The following PRH1 variants were observed in gnomAD, a reference collection of about 807,000 sequenced individuals.
The protein encoded by PRH1 is salivary acidic proline-rich phosphoprotein 1/2.
Under a neutral mutation model 7.9 loss-of-function variants are expected in PRH1, and 7 were observed. The observed-to-expected ratio is 0.89, with a 90% confidence interval of 0.50 to 1.67. The LOEUF (loss-of-function observed/expected upper bound fraction) is 1.67. Ranked by LOEUF, PRH1 falls within the 40% of genes most tolerant of loss-of-function variation. The pLI, the probability that PRH1 is intolerant of heterozygous loss-of-function variation, is 0.00. For missense variants in PRH1, 109 were observed against 223.6 expected, an observed-to-expected ratio of 0.49 and a Z score of 3.27; for synonymous variants, 45 against 80.8, an observed-to-expected ratio of 0.56 and a Z score of 2.38.
rs1431932785 is a variant in PRH1 at position 10,938,673 on chromosome 12, TAA to T, written c.-59+34980_-59+34981del. The T allele has an allele frequency of 2.5e-6, 4 of 1,613,940 alleles. No individual in the cohort carries two copies. The African/African-American group carries it at 4.0e-5, about 16-fold the overall frequency. ...ATGAACACAGTGCTGGTTAATACAA[TAA>T]GACTGGAAAATCGTGTAAAGTTACT... On this transcript the variant is annotated intron_variant, in intron 2 of 3. Coordinates refer to the PRH1 transcript ENST00000539853.
chr12:11,005,919 C>T (rs1251090083), intron 1 of PRH1: 1 of 152,110 alleles, frequency 6.6e-6, no homozygotes, highest in African/African-American at 2.4e-5. Flanking sequence ...GTATTTTCCA[C>T]TGAAGACTCT....
intron 1 of PRH1, among the ~76,000 whole-genome samples, chr12:11,150,162 A>C (rs1175264193): frequency 6.6e-6 from 1 of 151,876 alleles, no homozygotes; most frequent in Non-Finnish European, 1.5e-5. Flanking sequence ...CTAAAAAGTC[A>C]GGAAACAACA....
intron 1 of PRH1, among the ~76,000 whole-genome samples, chr12:11,073,778 C>T (rs1189153884): frequency 6.6e-6 from 1 of 152,160 alleles, no homozygotes; most frequent in African/African-American, 2.4e-5. Context: ...TAGAGGCATG[C>T]ATCGTGGGCA....
At chr12:11,118,820 C>T (rs1329214305), downstream of PRH1, among the ~76,000 whole-genome samples, 2 of 151,848 alleles carry the variant, frequency 1.3e-5, no homozygotes, top group Non-Finnish European at 2.9e-5. Context: ...TGGTGAAACC[C>T]CATCGCTACT....
chr12:11,027,017 C>T (rs1420496473), intron 1 of PRH1, among the ~76,000 whole-genome samples: 1 of 152,238 alleles, frequency 6.6e-6, no homozygotes, highest in Non-Finnish European at 1.5e-5. Context: ...GTAATCCCAT[C>T]ATTTTAGGAG....
intron 1 of PRH1, among the ~76,000 whole-genome samples, chr12:11,148,264 T>G (rs7963680): frequency 2.0e-5 from 3 of 150,530 alleles, no homozygotes; most frequent in African/African-American, 7.3e-5. Context: ...CTTTTCCTAA[T>G]TGAATACCCT....
chr12:11,019,814 T>G (rs1266518737), intron 1 of PRH1, among the ~76,000 whole-genome samples: 1 of 152,292 alleles, frequency 6.6e-6, no homozygotes, highest in African/African-American at 2.4e-5. Context: ...GAAAGAGACG[T>G]TCCCTAAAAA....
At chr12:11,148,734 T>C (rs1946955099) in intron 1 of PRH1, among the ~76,000 whole-genome samples, 1 of 113,162 alleles carries the variant, frequency 8.8e-6, no homozygotes, top group Non-Finnish European at 2.1e-5. Flanking sequence ...TCAAGGATAT[T>C]AGTCTAAAAT....
chr12:10,890,095 C>G (rs771108377), intron 2 of PRH1, among the ~76,000 whole-genome samples: 2 of 152,022 alleles, frequency 1.3e-5, no homozygotes, highest in African/African-American at 2.4e-5. Context: ...TTATCTTGCA[C>G]AGAGGGATTT....
intron 1 of PRH1, among the ~76,000 whole-genome samples, chr12:10,989,240 C>G (rs1346378597): frequency 9.2e-5 from 14 of 151,702 alleles, no homozygotes; most frequent in Admixed American, 9.2e-4. Flanking sequence ...TTGGACTCAC[C>G]TTTACGTTTC....
chr12:10,887,263 C>T (rs1321060944), upstream of PRH1, among the ~76,000 whole-genome samples: 1 of 152,106 alleles, frequency 6.6e-6, no homozygotes, highest in African/African-American at 2.4e-5. Context: ...CTCTGAGAGT[C>T]AGTGAGTTTC....
intron 1 of PRH1, among the ~76,000 whole-genome samples, chr12:11,045,508 C>A (rs186131816): frequency 9.9e-5 from 15 of 152,124 alleles, no homozygotes; most frequent in Middle Eastern, 3.4e-3. Context: ...ACATTGCATG[C>A]CTGTATCAAC....
intron 1 of PRH1, among the ~76,000 whole-genome samples, chr12:10,993,211 C>T (rs546489911): frequency 6.6e-6 from 1 of 152,256 alleles, no homozygotes; most frequent in South Asian, 2.1e-4. Context: ...TTGGTGAATG[C>T]TTTTTAATCT....
At chr12:10,932,383 A>G (rs764212667) in intron 2 of PRH1, 1 of 247,824 alleles carries the variant, frequency 4.0e-6, no homozygotes, top group Non-Finnish European at 9.1e-6. Context: ...CCATGTTCAC[A>G]TTGTAAGAAC....
At chr12:10,893,227 G>T (rs1272727212) in intron 2 of PRH1, among the ~76,000 whole-genome samples, 1 of 152,136 alleles carries the variant, frequency 6.6e-6, no homozygotes, top group Non-Finnish European at 1.5e-5. Flanking sequence ...TACAGAGTGT[G>T]TCAGTTCAAT....
At chr12:11,127,704 G>C (rs1419199582) in intron 1 of PRH1, among the ~76,000 whole-genome samples, 1 of 152,196 alleles carries the variant, frequency 6.6e-6, no homozygotes, top group Non-Finnish European at 1.5e-5. Context: ...TTCTTACTCG[G>C]GCTTTTCAGC....
chr12:10,989,372 G>T (rs1473835470), intron 1 of PRH1, among the ~76,000 whole-genome samples: 1 of 151,904 alleles, frequency 6.6e-6, no homozygotes, highest in Non-Finnish European at 1.5e-5. Flanking sequence ...TATTTGGGGG[G>T]TTTCTTTTTT....
intron 1 of PRH1, among the ~76,000 whole-genome samples, chr12:11,010,708 ACT>A (rs1245114646): frequency 6.6e-6 from 1 of 151,926 alleles, no homozygotes; most frequent in Non-Finnish European, 1.5e-5. Flanking sequence ...TAAATTTTAC[ACT>A]GATATTTACA....
chr12:11,100,022 C>A (rs940850594), intron 1 of PRH1, among the ~76,000 whole-genome samples: 2 of 152,172 alleles, frequency 1.3e-5, no homozygotes, highest in Admixed American at 6.5e-5. Flanking sequence ...CCTATTTCAA[C>A]TATCTTAGAG....
Sources: allele counts gnomAD v4.1 joint callset (sites outside exome capture counted in the v4.1 genomes callset), GRCh38; gene constraint gnomAD v4.1.1; transcripts MANE v1.5; gene names NCBI Gene and HGNC (gene_info 2026-07-23, HGNC 2026-07-21).